NBAS: variants seen among roughly 807,000 people sequenced by gnomAD.
NBAS encodes the protein NBAS subunit of NRZ tethering complex, also known as NAG/BC035112 fusion.
A neutral mutation model predicts 302.5 loss-of-function variants in NBAS; 219 were observed. The observed-to-expected ratio is 0.72, with a 90% confidence interval of 0.65 to 0.81. The LOEUF is 0.81. Among genes scored for constraint, NBAS ranks in the 30% least tolerant of loss-of-function variants. The pLI is 0.00. For synonymous variants in NBAS, 1,118 were observed against 1,021.6 expected, an observed-to-expected ratio of 1.09 and a Z score of -1.80; for missense variants, 2,932 against 2,841.6, an observed-to-expected ratio of 1.03 and a Z score of -0.72.
chr2:15,557,117 G>A (rs1239626417), intron 2 of NBAS, among the ~76,000 whole-genome samples: 1 of 152,076 alleles, frequency 6.6e-6, no homozygotes, highest in Non-Finnish European at 1.5e-5. Context: ...AAGCTTTCAT[G>A]AAACCATGGA....
At chr2:14,958,302 C>G in the NBAS span, among the ~76,000 whole-genome samples, 11 of 152,342 alleles carry the variant, frequency 7.2e-5, no homozygotes, top group Non-Finnish European at 1.3e-4. Context: ...GAGTCACTTT[C>G]ACTCATGGAG....
chr2:14,986,597 T>G, the NBAS span, among the ~76,000 whole-genome samples: 7 of 152,140 alleles, frequency 4.6e-5, no homozygotes, highest in Non-Finnish European at 1.0e-4. Flanking sequence ...ACAGTACCAA[T>G]TTTCATGCAC....
the NBAS span, among the ~76,000 whole-genome samples, chr2:14,788,779 G>A: frequency 6.6e-6 from 1 of 152,182 alleles, no homozygotes; most frequent in Non-Finnish European, 1.5e-5. Context: ...GGGGGTCAGG[G>A]GTTAGGGACC....
rs575775710 is a variant in NBAS, at chr2:15,312,264, A to G, written c.4583-3017T>C. On this transcript the variant is annotated intron_variant, in intron 38 of 51. Transcript: ENST00000281513. Reference sequence around the variant, plus strand: ...ACATCCTCACCTAGAGAATTCAACTACATTCTTTTTTTTTCTTTACTTTTT... The same window carrying G: ...ACATCCTCACCTAGAGAATTCAACTGCATTCTTTTTTTTTCTTTACTTTTT... 1.3e-3 allele frequency among the ~76,000 whole-genome samples: 202 copies of G among 152,134 alleles called. 1 individual carries two copies. The highest frequency in any genetic ancestry group is 4.6e-3 in the African/African-American group (192 of 41,508).
chr2:15,534,517 A>G, intron 9 of NBAS, 26 bp downstream of exon 9: 1 of 1,493,452 alleles, frequency 6.7e-7, no homozygotes, highest in Non-Finnish European at 9.4e-7. Flanking sequence ...ATGTCCCACT[A>G]AATATGAGAA....
At chr2:15,520,630 A>G (rs1467870017) in intron 9 of NBAS, among the ~76,000 whole-genome samples, 1 of 152,104 alleles carries the variant, frequency 6.6e-6, no homozygotes, top group East Asian at 1.9e-4. Context: ...AACAGACAAT[A>G]TGTAAAACAA....
chr2:15,435,266 C>T (rs1006856276), intron 21 of NBAS, among the ~76,000 whole-genome samples: 89 of 152,092 alleles, frequency 5.9e-4, no homozygotes, highest in African/African-American at 2.1e-3. Context: ...ACAGATTATG[C>T]CTATGCAGAC....
chr2:15,555,627 G>A (rs1664609946), intron 3 of NBAS, among the ~76,000 whole-genome samples: 1 of 152,108 alleles, frequency 6.6e-6, no homozygotes, highest in African/African-American at 2.4e-5. Flanking sequence ...ATAAACTCAA[G>A]AGCACAAATT....
At chr2:15,555,930 C>G (rs1437504995) in intron 3 of NBAS, among the ~76,000 whole-genome samples, 2 of 152,136 alleles carry the variant, frequency 1.3e-5, no homozygotes, top group Non-Finnish European at 2.9e-5. Flanking sequence ...AACAAGCTGT[C>G]GCCTAGAGAA....
At chr2:14,914,094 T>A in the NBAS span, among the ~76,000 whole-genome samples, 2 of 152,184 alleles carry the variant, frequency 1.3e-5, no homozygotes. Context: ...AAACCCCTTA[T>A]AAAATGATCA....
the NBAS span, among the ~76,000 whole-genome samples, chr2:14,999,323 C>A: frequency 1.3e-5 from 2 of 152,060 alleles, no homozygotes; most frequent in African/African-American, 4.8e-5. Context: ...GCCAAGTCAG[C>A]ATATAGAAGG....
chr2:15,034,102 AAGG>A, the NBAS span, among the ~76,000 whole-genome samples: 4 of 129,452 alleles, frequency 3.1e-5, no homozygotes, highest in African/African-American at 8.9e-5. Flanking sequence ...GGAGGAGGAG[AAGG>A]AGAAGAAGGA....
At chr2:14,818,372 T>C in the NBAS span, among the ~76,000 whole-genome samples, 9 of 152,318 alleles carry the variant, frequency 5.9e-5, no homozygotes, top group African/African-American at 2.2e-4. Flanking sequence ...TTTATCTGCA[T>C]CTACCATCTC....
the NBAS span, among the ~76,000 whole-genome samples, chr2:15,081,568 G>A: frequency 1.4e-4 from 22 of 152,322 alleles, no homozygotes; most frequent in East Asian, 7.7e-4. Flanking sequence ...AAGGCATTGC[G>A]CAAGAATACC....
chr2:14,986,717 C>T, the NBAS span, among the ~76,000 whole-genome samples: 1 of 152,048 alleles, frequency 6.6e-6, no homozygotes, highest in East Asian at 1.9e-4. Flanking sequence ...AGTGTTTAGA[C>T]AATCAAGAAT....
chr2:15,527,129 TGAA>T (rs760308959), intron 9 of NBAS, among the ~76,000 whole-genome samples: 1 of 147,220 alleles, frequency 6.8e-6, no homozygotes, highest in Non-Finnish European at 1.5e-5. Flanking sequence ...ATGTGGGGTA[TGAA>T]GAAGAAAACA....
the NBAS span, among the ~76,000 whole-genome samples, chr2:14,919,218 C>T: frequency 6.6e-6 from 1 of 152,094 alleles, no homozygotes; most frequent in African/African-American, 2.4e-5. Context: ...TCAACAAAGT[C>T]ATATAATATT....
the NBAS span, among the ~76,000 whole-genome samples, chr2:15,114,664 C>T: frequency 6.6e-6 from 1 of 152,100 alleles, no homozygotes; most frequent in Non-Finnish European, 1.5e-5. Flanking sequence ...CTCCTGGATA[C>T]TCTGGGGGGA....
chr2:14,797,037 C>T, the NBAS span, among the ~76,000 whole-genome samples: 2 of 146,906 alleles, frequency 1.4e-5, no homozygotes, highest in African/African-American at 2.5e-5. Context: ...TTGCAGTGAG[C>T]GCGGACATCG....
Sources: gnomAD v4.1 joint callset for allele counts (sites outside exome capture counted in the v4.1 genomes callset) on GRCh38, gnomAD v4.1.1 for gene constraint, MANE v1.5 for transcripts, NCBI Gene and HGNC (gene_info 2026-07-23, HGNC 2026-07-21) for gene names.